KLRG1: variants seen among roughly 807,000 people sequenced by gnomAD.
KLRG1 encodes the protein killer cell lectin-like receptor subfamily G member 1.
Under a neutral mutation model 21.8 loss-of-function variants are expected in KLRG1, and 16 were observed. The observed-to-expected ratio is 0.73, with a 90% CI of 0.50 to 1.11. The LOEUF (loss-of-function observed/expected upper bound fraction) is 1.11. Ranked by LOEUF, KLRG1 falls within the 50% of genes most tolerant of loss-of-function variation. The pLI is 0.00. For missense variants in KLRG1, 173 were observed against 218.3 expected (o/e 0.79, Z 1.31); for synonymous variants, 69 against 75.9 (o/e 0.91, Z 0.47).
the KLRG1 span, among the ~76,000 whole-genome samples, chr12:9,075,425 AT>A: frequency 4.7e-4 from 71 of 152,208 alleles, no homozygotes; most frequent in African/African-American, 1.3e-3. Context: ...TCATTGCAGC[AT>A]TTTTTTTAAT....
the KLRG1 span, chr12:9,166,043 GTTAC>G: frequency 9.4e-6 from 15 of 1,598,242 alleles, no homozygotes; most frequent in African/African-American, 1.2e-4. Flanking sequence ...GGAAAGTAAA[GTTAC>G]TTACTTCACT....
the KLRG1 span, among the ~76,000 whole-genome samples, chr12:9,159,681 A>G: frequency 6.6e-6 from 1 of 151,796 alleles, no homozygotes; most frequent in Non-Finnish European, 1.5e-5. Context: ...AGCCCATTCA[A>G]TCCTCTAGTC....
chr12:9,161,339 A>G, the KLRG1 span, among the ~76,000 whole-genome samples: 1 of 152,228 alleles, frequency 6.6e-6, no homozygotes, highest in Non-Finnish European at 1.5e-5. Context: ...AGCAATTGTT[A>G]TTATTGCAGT....
At chr12:9,105,307 T>C in the KLRG1 span, among the ~76,000 whole-genome samples, 1 of 152,240 alleles carries the variant, frequency 6.6e-6, no homozygotes, top group Non-Finnish European at 1.5e-5. Context: ...CTAGAGAGTC[T>C]TATGACAAAT....
chr12:9,018,556 A>G, the KLRG1 span, among the ~76,000 whole-genome samples: 7 of 152,108 alleles, frequency 4.6e-5, no homozygotes, highest in African/African-American at 1.7e-4. Context: ...AATAGTGCTG[A>G]GAAAACTGGA....
the KLRG1 span, among the ~76,000 whole-genome samples, chr12:9,041,639 C>G: frequency 6.6e-6 from 1 of 152,134 alleles, no homozygotes; most frequent in African/African-American, 2.4e-5. Context: ...CCCTGACCTG[C>G]CTTGTAACAA....
the KLRG1 span, among the ~76,000 whole-genome samples, chr12:9,174,887 C>G: frequency 3.3e-5 from 5 of 152,280 alleles, no homozygotes; most frequent in African/African-American, 1.2e-4. Flanking sequence ...CCATACTGCC[C>G]AAAGTATTTT....
the KLRG1 span, among the ~76,000 whole-genome samples, chr12:9,187,231 C>A: frequency 6.6e-6 from 1 of 152,042 alleles, no homozygotes; most frequent in Non-Finnish European, 1.5e-5. Flanking sequence ...CTCAGACTCC[C>A]ACACAATAAT....
chr12:9,068,351 TA>T, the KLRG1 span: 1 of 927,042 alleles, frequency 1.1e-6, no homozygotes, highest in African/African-American at 1.7e-5. Context: ...ACCAGAAACA[TA>T]AGCATCATTC....
At chr12:9,102,010 A>G in the KLRG1 span, among the ~76,000 whole-genome samples, 1 of 152,180 alleles carries the variant, frequency 6.6e-6, no homozygotes, top group East Asian at 1.9e-4. Context: ...TTCATTGAGG[A>G]GAGTAAATAA....
chr12:9,104,449 C>T, the KLRG1 span: 1 of 1,517,934 alleles, frequency 6.6e-7, no homozygotes, highest in Non-Finnish European at 8.9e-7. Flanking sequence ...AACTAATAGG[C>T]ACCAAACATA....
chr12:9,094,975 T>C, the KLRG1 span: 2 of 1,521,310 alleles, frequency 1.3e-6, no homozygotes, highest in South Asian at 1.4e-5. Context: ...TTGTTTACCA[T>C]AAAAACCTAC....
the KLRG1 span, chr12:9,169,891 A>T: frequency 5.0e-6 from 1 of 201,924 alleles, no homozygotes; most frequent in Admixed American, 5.9e-5. Flanking sequence ...AAGAAGACGT[A>T]ACTTGCATCT....
chr12:9,115,372 G>A, the KLRG1 span: 118 of 170,066 alleles, frequency 6.9e-4, no homozygotes, highest in Non-Finnish European at 1.3e-3. Context: ...TATACTCCAG[G>A]GCATTGTTCC....
At chr12:8,986,746 A>C (rs1946847447), upstream of KLRG1, among the ~76,000 whole-genome samples, 1 of 152,046 alleles carries the variant, frequency 6.6e-6, no homozygotes, top group Non-Finnish European at 1.5e-5. Flanking sequence ...CCCAAATCTG[A>C]CGTTGAATTG....
intron 1 of KLRG1, among the ~76,000 whole-genome samples, chr12:8,982,211 T>C (rs1329202151): frequency 6.6e-6 from 1 of 152,180 alleles, no homozygotes; most frequent in Admixed American, 6.5e-5. Context: ...TGAGAGTCCT[T>C]ATAAGAGGGA....
chr12:9,202,780 C>T, the KLRG1 span: 9 of 1,198,676 alleles, frequency 7.5e-6, no homozygotes, highest in Middle Eastern at 2.7e-4. Context: ...CCTTCAGCTT[C>T]ACCAAGGAGA....
chr12:9,004,438 T>G (rs566936432), intron 3 of KLRG1, among the ~76,000 whole-genome samples: 3 of 152,224 alleles, frequency 2.0e-5, no homozygotes, highest in Non-Finnish European at 2.9e-5. Context: ...TACCTAATTG[T>G]GTGTTCTTTA....
At chr12:9,113,888 A>G in the KLRG1 span, among the ~76,000 whole-genome samples, 1 of 152,256 alleles carries the variant, frequency 6.6e-6, no homozygotes, top group East Asian at 1.9e-4. Context: ...AGTTGCTGTA[A>G]AAAGTAAGCA....
Sources: gnomAD v4.1 joint callset for allele counts (sites outside exome capture counted in the v4.1 genomes callset) on GRCh38, gnomAD v4.1.1 for gene constraint, MANE v1.5 for transcripts, NCBI Gene and HGNC (gene_info 2026-07-23, HGNC 2026-07-21) for gene names.